The following PTPRQ variants were observed in gnomAD, a reference collection of about 807,000 sequenced individuals.
The protein encoded by PTPRQ is phosphatidylinositol phosphatase PTPRQ.
In PTPRQ, 199 loss-of-function variants were observed where a neutral mutation model predicts 246.0. That is an observed-to-expected ratio of 0.81 (90% CI 0.72 to 0.91). The LOEUF (loss-of-function observed/expected upper bound fraction) is 0.91. Among genes scored for constraint, PTPRQ ranks in the 40% least tolerant of loss-of-function variants. The probability of loss-of-function intolerance (pLI) is 0.00; values close to 1 mark genes in which losing one functional copy is unlikely to be tolerated. For missense variants in PTPRQ, 2,624 were observed against 2,528.4 expected, an observed-to-expected ratio of 1.04 and a Z score of -0.81; for synonymous variants, 869 against 853.2, an observed-to-expected ratio of 1.02 and a Z score of -0.32.
At chr12:80,622,571 T>C (rs1007288836) in intron 33 of PTPRQ, among the ~76,000 whole-genome samples, 3 of 152,070 alleles carry the variant, frequency 2.0e-5, no homozygotes, top group African/African-American at 7.2e-5. Flanking sequence ...TGAGAAACTC[T>C]GACTTAAGCC....
chr12:80,502,188 G>C (rs561516962), intron 14 of PTPRQ, among the ~76,000 whole-genome samples: 5 of 152,048 alleles, frequency 3.3e-5, no homozygotes, highest in South Asian at 4.1e-4. Flanking sequence ...TGGAAAGGAG[G>C]AAAGAGGGAA....
In PTPRQ at chr12:80,677,379, T is replaced by C. The variant is rs186119480; in HGVS notation, c.6739-1223T>C. Among the ~76,000 whole-genome samples, 23 of 152,276 alleles carry C rather than the reference T, an allele frequency of 1.5e-4. No homozygotes were observed. In the East Asian group the frequency reaches 4.1e-3, roughly 27 times the overall value. On this transcript the variant is annotated intron_variant, in intron 43 of 44. Transcript: ENST00000644991. ...AACAACACTTCAATTCTTACCAAAA[T>C]TGAATTCTATAAACTAGATCATCCA...
chr12:80,547,230 C>T (rs986110051), intron 24 of PTPRQ: 2 of 153,260 alleles, frequency 1.3e-5, no homozygotes, highest in Non-Finnish European at 2.9e-5. Flanking sequence ...CTGTGTCACA[C>T]ATGTAGTATA....
At chr12:80,595,826 A>G (rs1897952946) in intron 26 of PTPRQ, among the ~76,000 whole-genome samples, 1 of 151,074 alleles carries the variant, frequency 6.6e-6, no homozygotes, top group Non-Finnish European at 1.5e-5. Flanking sequence ...TTTGAAAACC[A>G]GTATATTTTA....
chr12:80,602,832 C>A (rs1324767545), intron 26 of PTPRQ, among the ~76,000 whole-genome samples: 1 of 151,710 alleles, frequency 6.6e-6, no homozygotes, highest in Admixed American at 6.6e-5. Flanking sequence ...AGATATACTG[C>A]CCATATTTAT....
At chr12:80,521,249 A>C (rs1011254999) in intron 17 of PTPRQ, among the ~76,000 whole-genome samples, 5 of 152,178 alleles carry the variant, frequency 3.3e-5, no homozygotes, top group Non-Finnish European at 7.4e-5. Flanking sequence ...TTCTTTGTAG[A>C]TTCTGGATAT....
chr12:80,506,342 G>A, intron 15 of PTPRQ, 136 bp downstream of exon 15: 1 of 986,234 alleles, frequency 1.0e-6, no homozygotes, highest in Admixed American at 3.4e-5. Context: ...AAATAAGCTA[G>A]GAGTTTATTG....
At chr12:80,491,579 C>A (rs895927299) in intron 9 of PTPRQ, among the ~76,000 whole-genome samples, 1 of 152,032 alleles carries the variant, frequency 6.6e-6, no homozygotes, top group Admixed American at 6.6e-5. Context: ...CATGACAGCA[C>A]TTTTCTGGGT....
chr12:80,448,643 C>T (rs61950901), intron 3 of PTPRQ, among the ~76,000 whole-genome samples: 6,111 of 148,674 alleles, frequency 0.041, 446 homozygotes, highest in African/African-American at 0.15. Flanking sequence ...TTCGTTCTTG[C>T]GATAGTTTAC....
Position 80,679,231 on chromosome 12 carries a change from T to A in PTPRQ, c.*208T>A. The stretch of plus-strand genomic sequence containing the variant: ...TTATTTGTTTTGTACAGAATAAATA[T>A]TATGCATTTTAAATGCTTAAGAAAA... On this transcript the variant is annotated 3_prime_UTR_variant, in exon 45 of 45. Coordinates refer to ENST00000644991, the MANE Select transcript of PTPRQ (RefSeq NM_001145026.2). The A allele has an allele frequency of 2.1e-6, 1 of 477,060 alleles. No homozygotes were observed. The highest frequency in any genetic ancestry group is 3.3e-6 in the Non-Finnish European group (1 of 303,186). 29.6% of individuals were successfully genotyped at this position (477,060 alleles called of 1,614,324 possible). A position where few individuals can be genotyped will look rare whatever the true frequency, so the allele number is the denominator to read the frequency against.
chr12:80,632,013 G>A (rs1015316152), intron 33 of PTPRQ, among the ~76,000 whole-genome samples, 179 bp from the exon 34 acceptor site: 2 of 152,008 alleles, frequency 1.3e-5, no homozygotes, highest in African/African-American at 4.8e-5. Flanking sequence ...AAGAAGACCC[G>A]GGACTGAGCC....
chr12:80,450,620 C>A (rs1892728203), intron 3 of PTPRQ, among the ~76,000 whole-genome samples: 1 of 152,006 alleles, frequency 6.6e-6, no homozygotes. Context: ...GCCTTTTCTG[C>A]ATCTATTGAG....
At position 80,495,065 on chromosome 12, in the gene PTPRQ, C is replaced by G. The variant is rs1193270571; in HGVS notation, c.1673C>G (p.Thr558Arg). Residue 558 changes from threonine (T) to arginine (R), a missense_variant, in exon 11 of 45, where the codon ACA becomes AGA. Transcript: ENST00000644991. ...AFTIMGEGPPTVLSVRTRQQV... is the reference protein window; with the variant it reads ...AFTIMGEGPPRVLSVRTRQQV... ...ACCATCATGGGAGAAGGACCACCAA[C>G]AGTTCTCAGTGTTAGGACACGTCAG... The G allele has an allele frequency of 6.5e-7, 1 of 1,550,372 alleles. No individual in the cohort carries two copies.
At chr12:80,652,672 C>T in intron 37 of PTPRQ, 72 bp from the exon 38 acceptor site, 8 of 1,378,490 alleles carry the variant, frequency 5.8e-6, no homozygotes, top group Non-Finnish European at 7.6e-6. Context: ...GGACAAATAA[C>T]TGTCTTTTAA....
At chr12:80,516,319 A>G (rs952552657) in intron 17 of PTPRQ, among the ~76,000 whole-genome samples, 3 of 152,184 alleles carry the variant, frequency 2.0e-5, no homozygotes, top group Admixed American at 6.5e-5. Flanking sequence ...TATAGCTAAA[A>G]GACTGAGGAC....
At chr12:80,458,450 T>C (rs940672558) in intron 4 of PTPRQ, among the ~76,000 whole-genome samples, 1 of 152,180 alleles carries the variant, frequency 6.6e-6, no homozygotes, top group Non-Finnish European at 1.5e-5. Context: ...CTATTACTTA[T>C]AAATTATATT....
In PTPRQ at chr12:80,496,459, G is replaced by A. The variant is rs764845488; in HGVS notation, c.2200G>A (p.Val734Ile). The A allele has an allele frequency of 5.8e-6, 9 of 1,550,654 alleles. No homozygotes were observed. In the Admixed American group the frequency reaches 1.6e-4, roughly 27 times the overall value. ...LRPHTLYNIS[V>I]RSYTRFGHGN... ...ACCTCACACCCTCTATAACATTTCTGTAAGGTCTTACACCAGATTTGGTCA... is the reference window on the plus strand; with the variant it reads ...ACCTCACACCCTCTATAACATTTCTATAAGGTCTTACACCAGATTTGGTCA... Residue 734 changes from valine (V) to isoleucine (I), a missense_variant, in exon 14 of 45, where the codon GTA (valine) becomes ATA (isoleucine). Coordinates refer to ENST00000644991, the MANE Select transcript of PTPRQ (RefSeq NM_001145026.2).
At chr12:80,627,421 G>GAGA (rs1198086725) in intron 33 of PTPRQ, among the ~76,000 whole-genome samples, 2 of 150,642 alleles carry the variant, frequency 1.3e-5, no homozygotes, top group Non-Finnish European at 3.0e-5. Context: ...AGGGGAGGAG[G>GAGA]AGAAGAAGGA....
intron 17 of PTPRQ, among the ~76,000 whole-genome samples, chr12:80,514,402 A>ACACTCTTT (rs552667526): frequency 6.2e-5 from 7 of 112,980 alleles, no homozygotes; most frequent in Non-Finnish European, 1.2e-4. Context: ...ACACACACAC[A>ACACTCTTT]CTCTCTCTCT....
Sources: gnomAD v4.1 joint callset for allele counts (sites outside exome capture counted in the v4.1 genomes callset) on GRCh38, gnomAD v4.1.1 for gene constraint, MANE v1.5 for transcripts, NCBI Gene and HGNC (gene_info 2026-07-23, HGNC 2026-07-21) for gene names.